Variants in GLI2 observed in about 807,000 individuals in gnomAD.
GLI2 encodes transcription activator GLI2.
Under a neutral mutation model 78.9 loss-of-function variants are expected in GLI2, and 22 were observed. The observed-to-expected ratio is 0.28, with a 90% CI of 0.20 to 0.40. The LOEUF is 0.40. Among genes scored for constraint, GLI2 ranks in the 10% least tolerant of loss-of-function variants. The probability of loss-of-function intolerance (pLI) is 1.00; values close to 1 mark genes in which losing one functional copy is unlikely to be tolerated. For missense variants in GLI2, 2,097 were observed against 2,213.2 expected (o/e 0.95, Z 1.05); for synonymous variants, 974 against 963.7 (o/e 1.01, Z -0.20).
chr2:120,989,081 C>G lies in GLI2; in HGVS notation c.3116C>G (p.Pro1039Arg), dbSNP rs761549286. The G allele has an allele frequency of 1.9e-6, 3 of 1,611,822 alleles. No homozygotes were observed. Among genetic ancestry groups the G allele is most frequent in the South Asian group, 2.2e-5 (2 of 91,082 alleles). The change falls in exon 14 of 14, where the codon CCG becomes CGG. Residue 1039 changes from proline to arginine, a missense_variant. Pro to Arg is a moderately radical substitution (Grantham distance 103, BLOSUM62 -2). Coordinates refer to ENST00000361492, the MANE Select transcript of GLI2 (RefSeq NM_001374353.1). ...GAGPEADLGL[P>R]EDDLVLPDDV... Reference sequence around the variant, plus strand: ...GGGCCCGAGGCCGACCTGGGGCTGCCGGAGGACGACCTGGTGCTTCCAGAC... The same window carrying G: ...GGGCCCGAGGCCGACCTGGGGCTGCGGGAGGACGACCTGGTGCTTCCAGAC...
At chr2:120,835,389 T>TC (rs1375755250) in intron 2 of GLI2, among the ~76,000 whole-genome samples, 1 of 150,794 alleles carries the variant, frequency 6.6e-6, no homozygotes, top group East Asian at 1.9e-4. Flanking sequence ...ACCAGACTTT[T>TC]TTTTTTTTTT....
chr2:120,818,101 A>C (rs546571038), intron 2 of GLI2, among the ~76,000 whole-genome samples: 5 of 152,208 alleles, frequency 3.3e-5, no homozygotes, highest in African/African-American at 1.2e-4. Context: ...CTGTGCCTGC[A>C]TCTGGTTGAG....
At chr2:120,781,621 GC>G (rs142312641) in intron 1 of GLI2, among the ~76,000 whole-genome samples, 9,667 of 152,266 alleles carry the variant, frequency 0.063, 395 homozygotes, top group Admixed American at 0.11. Context: ...GGTGGCTTAC[GC>G]CTGTAATCCC....
Position 120,990,395 on chromosome 2 carries a change from A to G in GLI2, c.4430A>G (p.Asn1477Ser). Residue 1477 changes from asparagine (N) to serine (S), a missense_variant, in exon 14 of 14, where the codon AAC becomes AGC. Around this residue, in one of 5 missense-constraint regions of GLI2, gnomAD observed 1,290 missense variants for 1,261.7 expected, o/e 1.02. Transcript: ENST00000361492. Reference protein sequence around the residue: ...QPQPLPSPGVNQVSSTVDSQL... With the variant: ...QPQPLPSPGVSQVSSTVDSQL... The stretch of plus-strand genomic sequence containing the variant: ...CAGCCCTTGCCCTCACCAGGGGTCA[A>G]CCAGGTGTCCAGCACTGTGGACTCC... The G allele has an allele frequency of 1.9e-6, 3 of 1,614,118 alleles. No homozygotes were observed. Among genetic ancestry groups the G allele is most frequent in the Non-Finnish European group, 2.5e-6 (3 of 1,180,014 alleles).
chr2:120,762,588 A>G (rs1429752776), intron 1 of GLI2, among the ~76,000 whole-genome samples: 1 of 152,134 alleles, frequency 6.6e-6, no homozygotes, highest in Non-Finnish European at 1.5e-5. Flanking sequence ...TCTCATCTGC[A>G]ACAGACTCAG....
intron 2 of GLI2, among the ~76,000 whole-genome samples, chr2:120,803,760 A>G (rs773750515): frequency 2.8e-4 from 42 of 152,206 alleles, no homozygotes; most frequent in African/African-American, 7.7e-4. Context: ...GACAATCACT[A>G]TGTAAGTGCA....
chr2:120,792,661 T>C (rs1684202257), intron 1 of GLI2, among the ~76,000 whole-genome samples: 1 of 152,156 alleles, frequency 6.6e-6, no homozygotes, highest in African/African-American at 2.4e-5. Flanking sequence ...TCTCACTCTG[T>C]CTCCAAGCTG....
chr2:120,887,140 T>C (rs1677451328), intron 2 of GLI2, among the ~76,000 whole-genome samples: 1 of 152,124 alleles, frequency 6.6e-6, no homozygotes, highest in Admixed American at 6.5e-5. Context: ...TGAAAGCAGA[T>C]GGCCAGATGC....
At chr2:120,898,491 G>A (rs1480296941) in intron 2 of GLI2, among the ~76,000 whole-genome samples, 2 of 152,138 alleles carry the variant, frequency 1.3e-5, no homozygotes, top group Non-Finnish European at 2.9e-5. Context: ...TTCCAGCTCG[G>A]AGTGCAGAGC....
At chr2:120,873,401 GAAC>G (rs1223302086) in intron 2 of GLI2, among the ~76,000 whole-genome samples, 2 of 152,116 alleles carry the variant, frequency 1.3e-5, no homozygotes, top group Non-Finnish European at 2.9e-5. Flanking sequence ...ATATTTCCCA[GAAC>G]AACAACAAAA....
chr2:120,917,340 C>T (rs141538220), intron 2 of GLI2, among the ~76,000 whole-genome samples: 2,373 of 152,356 alleles, frequency 0.016, 23 homozygotes, highest in Non-Finnish European at 0.022. Flanking sequence ...GAGTCATTGA[C>T]GACCATGTAG....
intron 2 of GLI2, among the ~76,000 whole-genome samples, chr2:120,903,974 G>T (rs1573570996): frequency 6.6e-6 from 1 of 152,122 alleles, no homozygotes; most frequent in African/African-American, 2.4e-5. Context: ...GATTGGGGAG[G>T]GGCAGGTGGG....
chr2:120,861,640 C>T (rs1356431503), intron 2 of GLI2, among the ~76,000 whole-genome samples: 2 of 152,250 alleles, frequency 1.3e-5, no homozygotes, highest in Non-Finnish European at 2.9e-5. Context: ...GGGATTAACC[C>T]TCCACGGCCC....
Position 120,990,739 on chromosome 2 carries a change from C to T in GLI2, c.*64C>T. The T allele has an allele frequency of 1.4e-6, 2 of 1,388,714 alleles. No individual in the cohort carries two copies. The highest frequency in any genetic ancestry group is 2.0e-6 in the Non-Finnish European group (2 of 1,006,926). 86.0% of individuals were successfully genotyped at this position (1,388,714 alleles called of 1,614,324 possible). A position where few individuals can be genotyped will look rare whatever the true frequency, so the allele number is the denominator to read the frequency against. Reference sequence around the variant, plus strand: ...CATCGCTGCCCAGAGCCTGGGGATTCCAGCTGTCTTGTCTTTTTCCAAAAA... The same window carrying T: ...CATCGCTGCCCAGAGCCTGGGGATTTCAGCTGTCTTGTCTTTTTCCAAAAA... On this transcript the variant is annotated 3_prime_UTR_variant, in exon 14 of 14. Coordinates refer to ENST00000361492, the MANE Select transcript of GLI2 (RefSeq NM_001374353.1).
At chr2:120,825,468 G>A (rs1397194240) in intron 2 of GLI2, among the ~76,000 whole-genome samples, 2 of 138,970 alleles carry the variant, frequency 1.4e-5, no homozygotes, top group Non-Finnish European at 3.0e-5. Flanking sequence ...TCCTGGCTGT[G>A]AGTGTGCATC....
intron 2 of GLI2, among the ~76,000 whole-genome samples, chr2:120,897,850 A>G (rs879832997): frequency 1.5e-4 from 23 of 152,268 alleles, no homozygotes; most frequent in Middle Eastern, 6.8e-3. Flanking sequence ...TTAGGGTGCT[A>G]ACATTTTATG....
chr2:120,741,339 G>A (rs1001290626), intron 1 of GLI2, among the ~76,000 whole-genome samples: 1 of 151,964 alleles, frequency 6.6e-6, no homozygotes, highest in East Asian at 1.9e-4. Flanking sequence ...ACACATGTCC[G>A]CCTGTCCCCC....
At chr2:120,857,974 G>A in intron 2 of GLI2, among the ~76,000 whole-genome samples, 1 of 152,208 alleles carries the variant, frequency 6.6e-6, no homozygotes, top group Admixed American at 6.5e-5. Context: ...CCTTGGAGGA[G>A]TTGCTCAGAG....
At chr2:120,774,525 A>C (rs543605276) in intron 1 of GLI2, among the ~76,000 whole-genome samples, 1 of 152,270 alleles carries the variant, frequency 6.6e-6, no homozygotes, top group East Asian at 1.9e-4. Context: ...ACACCTTTTC[A>C]TGTGTATTTA....
Sources: allele counts gnomAD v4.1 joint callset (sites outside exome capture counted in the v4.1 genomes callset), GRCh38; gene constraint gnomAD v4.1.1; regional missense constraint gnomAD v4.1.1; transcripts MANE v1.5; gene names NCBI Gene and HGNC (gene_info 2026-07-23, HGNC 2026-07-21).